The following DENND1B variants were observed in gnomAD, a reference collection of about 807,000 sequenced individuals.
The protein encoded by DENND1B is DENN domain containing 1B.
In DENND1B, 59 loss-of-function variants were observed where a neutral mutation model predicts 90.1. The observed-to-expected ratio is 0.65, with a 90% CI of 0.53 to 0.81. DENND1B has a LOEUF of 0.81. DENND1B is among the 40% of genes least tolerant of loss of function. The pLI, the probability that DENND1B is intolerant of heterozygous loss-of-function variation, is 0.00. For synonymous variants in DENND1B, 337 were observed against 324.6 expected (o/e 1.04, Z -0.41); for missense variants, 862 against 912.6 (o/e 0.94, Z 0.71).
At chr1:197,684,594 A>G (rs1257694025) in intron 3 of DENND1B, among the ~76,000 whole-genome samples, 1 of 152,216 alleles carries the variant, frequency 6.6e-6, no homozygotes, top group Non-Finnish European at 1.5e-5. Context: ...ACAATATGTC[A>G]TAACAAATGT....
At chr1:197,709,858 G>C (rs1659934709) in intron 3 of DENND1B, among the ~76,000 whole-genome samples, 1 of 141,340 alleles carries the variant, frequency 7.1e-6, no homozygotes, top group Non-Finnish European at 1.5e-5. Context: ...GACACACATA[G>C]GCTCAAAATA....
In DENND1B at chr1:197,607,067, A is replaced by T. The variant is rs1372762422; in HGVS notation, c.921+6T>A. The T allele has an allele frequency of 3.1e-6, 5 of 1,598,046 alleles. No homozygotes were observed. The highest frequency in any genetic ancestry group is 4.5e-5 in the East Asian group (2 of 44,538). ...ATGTTCACCACTGAATAGCCTTCAT[A>T]CTTACCACATCACTTGGTAGGTTGT... is the stretch of plus-strand genomic sequence containing the variant. On this transcript the variant is annotated splice_donor_region_variant and intron_variant, in intron 13 of 22. Transcript: ENST00000620048.
At position 197,617,715 on chromosome 1, in the gene DENND1B, C is replaced by A. The variant is rs1460244462; in HGVS notation, c.717G>T (p.Met239Ile). 1.2e-6 allele frequency: 2 copies of A among 1,607,778 alleles called. No homozygotes were observed. Among genetic ancestry groups the A allele is most frequent in the East Asian group, 4.5e-5 (2 of 44,712 alleles). The part of the protein sequence containing the change: ...IHGSAALLYP[M>I]YWQHIYIPVL... ...CTGGGATGTATATGTGTTGCCAATA[C>A]ATTGGGTATAGAAGAGCAGCTGATC... The change falls in exon 11 of 23, where the codon ATG becomes ATT. Residue 239 changes from methionine (M) to isoleucine (I), a missense_variant. Physicochemically the swap from Met to Ile is conservative, Grantham distance 10. Coordinates refer to ENST00000620048, the MANE Select transcript of DENND1B (RefSeq NM_001195215.2).
chr1:197,724,537 T>A (rs986363145), intron 2 of DENND1B, among the ~76,000 whole-genome samples: 1 of 152,116 alleles, frequency 6.6e-6, no homozygotes, highest in African/African-American at 2.4e-5. Context: ...AATGCCCTCT[T>A]GAAGAAGAAA....
chr1:197,675,749 A>T (rs2125989990), intron 3 of DENND1B, among the ~76,000 whole-genome samples: 1 of 152,230 alleles, frequency 6.6e-6, no homozygotes, highest in Middle Eastern at 3.4e-3. Context: ...CACTATTCAG[A>T]CCTCCTCCTA....
intron 10 of DENND1B, among the ~76,000 whole-genome samples, chr1:197,626,244 T>G (rs950726701): frequency 1.3e-5 from 2 of 152,034 alleles, no homozygotes; most frequent in African/African-American, 4.8e-5. Context: ...ATACCACACC[T>G]ATTCCAAAAT....
intron 15 of DENND1B, among the ~76,000 whole-genome samples, chr1:197,570,222 A>G (rs1252367086): frequency 1.4e-5 from 2 of 143,158 alleles, no homozygotes; most frequent in East Asian, 2.0e-4. Flanking sequence ...GCAAGATCCC[A>G]TATCTCCAAA....
At chr1:197,697,502 C>T (rs1014611233) in intron 3 of DENND1B, among the ~76,000 whole-genome samples, 2 of 151,652 alleles carry the variant, frequency 1.3e-5, no homozygotes, top group African/African-American at 4.8e-5. Flanking sequence ...AGAGGACCAA[C>T]TAAAGGACAA....
chr1:197,746,317 C>T (rs1264382865), intron 2 of DENND1B, among the ~76,000 whole-genome samples: 1 of 152,172 alleles, frequency 6.6e-6, no homozygotes, highest in African/African-American at 2.4e-5. Flanking sequence ...ATCACTTGAA[C>T]CCAGGAGGCA....
intron 10 of DENND1B, among the ~76,000 whole-genome samples, chr1:197,627,164 C>T (rs566091274): frequency 6.6e-6 from 1 of 152,028 alleles, no homozygotes; most frequent in Non-Finnish European, 1.5e-5. Flanking sequence ...GGGAATCCTC[C>T]CTAACTCATT....
intron 15 of DENND1B, among the ~76,000 whole-genome samples, chr1:197,560,461 T>G (rs948370588): frequency 2.0e-5 from 3 of 151,862 alleles, no homozygotes; most frequent in African/African-American, 4.8e-5. Context: ...TAAGGGAAGT[T>G]AGGAAATCTA....
intron 10 of DENND1B, among the ~76,000 whole-genome samples, chr1:197,626,390 A>G (rs1172750369): frequency 2.6e-5 from 4 of 152,316 alleles, no homozygotes; most frequent in East Asian, 3.9e-4. Flanking sequence ...ACTCAACTAC[A>G]TGGAAACTGA....
intron 5 of DENND1B, among the ~76,000 whole-genome samples, chr1:197,661,884 A>T (rs748376600): frequency 9.9e-5 from 15 of 152,054 alleles, no homozygotes; most frequent in Non-Finnish European, 1.8e-4. Flanking sequence ...GCTAATTTAT[A>T]CAGATAAATA....
intron 2 of DENND1B, among the ~76,000 whole-genome samples, chr1:197,721,715 CAAATAT>C (rs1404705447): frequency 6.6e-6 from 1 of 151,794 alleles, no homozygotes; most frequent in Admixed American, 6.6e-5. Context: ...GATATGACAA[CAAATAT>C]ATCTTCATAG....
At chr1:197,770,856 C>CTATAAATATA (rs1168562954) in intron 2 of DENND1B, among the ~76,000 whole-genome samples, 2 of 120,724 alleles carry the variant, frequency 1.7e-5, no homozygotes, top group African/African-American at 6.2e-5. Context: ...AAATATATAT[C>CTATAAATATA]TATAAATATA....
chr1:197,596,479 GA>G lies in DENND1B; in HGVS notation c.922-1147del, dbSNP rs1001326866. Among the ~76,000 whole-genome samples the G allele has an allele frequency of 1.5e-4, 22 of 151,462 alleles. 1 individual carries two copies. Among genetic ancestry groups the G allele is most frequent in the African/African-American group, 4.6e-4 (19 of 41,316 alleles). ...TTGTGTAACAATTCTGTTTTATTTAGAAAAAAAACTGGTACGACAAATTTTG... is the reference window on the plus strand; with the variant it reads ...TTGTGTAACAATTCTGTTTTATTTAGAAAAAAACTGGTACGACAAATTTTG... On this transcript the variant is annotated intron_variant, in intron 13 of 22. Transcript: ENST00000620048.
At chr1:197,624,129 A>C (rs573863712) in intron 10 of DENND1B, among the ~76,000 whole-genome samples, 1 of 151,772 alleles carries the variant, frequency 6.6e-6, no homozygotes, top group East Asian at 1.9e-4. Flanking sequence ...CAATTCTGAA[A>C]GAACAAAGTT....
chr1:197,755,772 G>A (rs1654202188), intron 2 of DENND1B, among the ~76,000 whole-genome samples: 1 of 152,158 alleles, frequency 6.6e-6, no homozygotes, highest in Non-Finnish European at 1.5e-5. Context: ...ATCTTCTGTG[G>A]ATGGCAGCAG....
At chr1:197,563,668 G>T (rs1418414773) in intron 15 of DENND1B, among the ~76,000 whole-genome samples, 1 of 151,898 alleles carries the variant, frequency 6.6e-6, no homozygotes, top group African/African-American at 2.4e-5. Flanking sequence ...GGATCAAGGA[G>T]TAATTTTGAC....
Sources: gnomAD v4.1 joint callset for allele counts (sites outside exome capture counted in the v4.1 genomes callset) on GRCh38, gnomAD v4.1.1 for gene constraint, MANE v1.5 for transcripts, NCBI Gene and HGNC (gene_info 2026-07-23, HGNC 2026-07-21) for gene names.